The following FAM186B variants were observed in gnomAD, a reference collection of about 807,000 sequenced individuals.
FAM186B encodes family with sequence similarity 186 member B, also known as protein FAM186B.
FAM186B carries 68 observed loss-of-function variants against 83.4 expected under a neutral mutation model. That is an observed-to-expected ratio of 0.81 (90% CI 0.67 to 1.00). The LOEUF (loss-of-function observed/expected upper bound fraction) is 1.00, where lower values mean the gene tolerates loss of function less well. FAM186B is among the 50% of genes least tolerant of loss of function. The pLI, the probability that FAM186B is intolerant of heterozygous loss-of-function variation, is 0.00. For missense variants in FAM186B, 983 were observed against 1,099.2 expected (o/e 0.89, Z 1.49); for synonymous variants, 389 against 422.0 (o/e 0.92, Z 0.96).
Position 49,605,458 on chromosome 12 carries a change from G to C in FAM186B, c.20C>G (p.Pro7Arg), listed in dbSNP as rs377032725. ...CACTGATGTGGGAGTCACCAACTGT[G>C]GGGGGTCATCCTTCTCCATTTTGGA... MEKDDP[P>R]QLVTPTSVKA... Residue 7 changes from proline (P) to arginine (R), a missense_variant, in exon 1 of 7, where the codon CCA becomes CGA. Coordinates refer to ENST00000257894, the MANE Select transcript of FAM186B (RefSeq NM_032130.3). 5.6e-6 allele frequency: 9 copies of C among 1,613,530 alleles called. No homozygotes were observed. Among genetic ancestry groups the C allele is most frequent in the Admixed American group, 1.7e-5 (1 of 59,972 alleles).
chr12:49,614,935 C>T, the FAM186B span, among the ~76,000 whole-genome samples: 40 of 151,992 alleles, frequency 2.6e-4, no homozygotes, highest in Non-Finnish European at 4.9e-4. Context: ...TCGAGACCAT[C>T]CCAGCTAACA....
intron 3 of FAM186B, 33 bp downstream of exon 3, chr12:49,603,144 GTCCCCACC>G (rs747409085): frequency 3.1e-6 from 5 of 1,608,328 alleles, no homozygotes; most frequent in Non-Finnish European, 4.3e-6. Flanking sequence ...GCTCCACCCC[GTCCCCACC>G]TAGCTCCCTG....
intron 5 of FAM186B, chr12:49,594,203 T>C (rs754614602): frequency 7.1e-6 from 2 of 281,136 alleles, no homozygotes; most frequent in Non-Finnish European, 1.5e-5. Flanking sequence ...AGAGAATGTG[T>C]ATACAGAATA....
intron 5 of FAM186B, among the ~76,000 whole-genome samples, chr12:49,590,030 T>A (rs1939547823): frequency 6.6e-6 from 1 of 150,838 alleles, no homozygotes; most frequent in Non-Finnish European, 1.5e-5. Context: ...AGGAGTCTTT[T>A]ATTCCATTAT....
At chr12:49,596,258 AAAT>A (rs1341214328) in intron 5 of FAM186B, among the ~76,000 whole-genome samples, 2 of 151,670 alleles carry the variant, frequency 1.3e-5, no homozygotes, top group Non-Finnish European at 2.9e-5. Flanking sequence ...AGCAAACTAA[AAAT>A]AATAAAATAG....
At chr12:49,595,978 C>T (rs1939711303) in intron 5 of FAM186B, among the ~76,000 whole-genome samples, 1 of 151,912 alleles carries the variant, frequency 6.6e-6, no homozygotes, top group Admixed American at 6.6e-5. Flanking sequence ...AGCGAGACTC[C>T]GTCTCAAAAA....
At chr12:49,616,660 G>A in the FAM186B span, among the ~76,000 whole-genome samples, 1 of 152,220 alleles carries the variant, frequency 6.6e-6, no homozygotes, top group South Asian at 2.1e-4. Flanking sequence ...TGAAATTCTA[G>A]GAAGGCAAAA....
the FAM186B span, among the ~76,000 whole-genome samples, chr12:49,612,466 A>G: frequency 6.6e-6 from 1 of 151,712 alleles, no homozygotes; most frequent in African/African-American, 2.4e-5. Flanking sequence ...GTGGCCCAGG[A>G]CAGCTTTGAA....
intron 5 of FAM186B, chr12:49,593,037 T>A (rs1179378646): frequency 6.6e-6 from 1 of 152,158 alleles, no homozygotes; most frequent in Admixed American, 6.5e-5. Flanking sequence ...GATTGACAGA[T>A]TGCATAAAAA....
At chr12:49,605,239 C>A (rs1592557705) in intron 1 of FAM186B, 143 bp downstream of exon 1, 1 of 1,498,174 alleles carries the variant, frequency 6.7e-7, no homozygotes, top group South Asian at 1.3e-5. Flanking sequence ...ATAATTTATA[C>A]TAATCTGTCT....
chr12:49,600,909 T>A lies in FAM186B; in HGVS notation c.731A>T (p.Asn244Ile). 1 of 1,614,190 alleles carries A rather than the reference T, an allele frequency of 6.2e-7. No homozygotes were observed. Among genetic ancestry groups the A allele is most frequent in the Non-Finnish European group, 8.5e-7 (1 of 1,180,024 alleles). ...CTTGTGTTGGAGGATCAAGGCCTTG[T>A]TGAGGTTCTCCACCACAGTGGCCAT... ...RYMATVVENL[N>I]KALILQHKEN... is the part of the protein sequence containing the mutation. The change falls in exon 4 of 7, where the codon AAC (asparagine) becomes ATC (isoleucine). Residue 244 changes from asparagine to isoleucine, a missense_variant. Coordinates refer to ENST00000257894, the MANE Select transcript of FAM186B (RefSeq NM_032130.3). The surrounding 1 kb of genome is among the most constrained non-coding windows in gnomAD (Gnocchi z 4.3).
intron 2 of FAM186B, 102 bp downstream of exon 2, chr12:49,604,210 TG>T: frequency 2.3e-6 from 2 of 865,792 alleles, no homozygotes; most frequent in Non-Finnish European, 3.7e-6. Context: ...ACACGAGTGG[TG>T]GAATGCTTCA....
downstream of FAM186B, chr12:49,587,390 AACCCTTC>A (rs1241936895): frequency 3.3e-6 from 2 of 606,982 alleles, no homozygotes; most frequent in Non-Finnish European, 5.8e-6. Context: ...ACACTAAGGA[AACCCTTC>A]ACCAGAACCG....
the FAM186B span, among the ~76,000 whole-genome samples, chr12:49,622,040 A>G: frequency 6.6e-6 from 1 of 152,268 alleles, no homozygotes; most frequent in Non-Finnish European, 1.5e-5. Flanking sequence ...AAAGCATTTA[A>G]AAAATAAAAA....
Position 49,599,762 on chromosome 12 carries a change from G to T in FAM186B, c.1878C>A (p.Pro626=). 6.2e-7 allele frequency: 1 copy of T among 1,614,110 alleles called. No homozygotes were observed. ...FTYRPRTRRV[P]TKPKKSASFP... Reference sequence around the variant, plus strand: ...AGGAGGCAGATTTCTTGGGCTTTGTGGGAACTCGGCGGGTCCGTGGTCTGT... The same window carrying T: ...AGGAGGCAGATTTCTTGGGCTTTGTTGGAACTCGGCGGGTCCGTGGTCTGT... Residue 626 remains proline, a synonymous_variant, in exon 4 of 7, where the codon CCC becomes CCA. Transcript: ENST00000257894.
chr12:49,613,463 C>T, the FAM186B span, among the ~76,000 whole-genome samples: 2 of 150,724 alleles, frequency 1.3e-5, no homozygotes, highest in African/African-American at 4.9e-5. Context: ...GGAGGCAGAG[C>T]TTGCAGTGGG....
the FAM186B span, among the ~76,000 whole-genome samples, chr12:49,616,033 G>GTT: frequency 2.4e-4 from 34 of 142,944 alleles, no homozygotes; most frequent in Non-Finnish European, 3.1e-4. Context: ...GAGTTTGGCA[G>GTT]TTTTTTTTTT....
chr12:49,584,865 C>G (rs1280166248), downstream of FAM186B, among the ~76,000 whole-genome samples: 1 of 152,182 alleles, frequency 6.6e-6, no homozygotes, highest in Non-Finnish European at 1.5e-5. Context: ...TTGCTCCTTC[C>G]CACCCATCCA....
In FAM186B at chr12:49,601,071, G is replaced by A; in HGVS notation, c.569C>T (p.Pro190Leu). The change falls in exon 4 of 7, where the codon CCT (proline) becomes CTT (leucine). Residue 190 changes from proline to leucine, a missense_variant. Transcript: ENST00000257894. ...GRSPQTSPSH[P>L]QPLSPEQMLQ... ...CATCTGTTCTGGGCTTAGTGGCTGA[G>A]GATGGGATGGAGATGTCTGTGGGCT... The A allele has an allele frequency of 6.2e-7, 1 of 1,608,894 alleles. No homozygotes were observed. Among genetic ancestry groups the A allele is most frequent in the Non-Finnish European group, 8.5e-7 (1 of 1,176,652 alleles).
Sources: allele counts gnomAD v4.1 joint callset (sites outside exome capture counted in the v4.1 genomes callset), GRCh38; gene constraint gnomAD v4.1.1; non-coding constraint Gnocchi (gnomAD v3.1); transcripts MANE v1.5; gene names NCBI Gene and HGNC (gene_info 2026-07-23, HGNC 2026-07-21).